The following PTH2R variants were observed in gnomAD, a reference collection of about 807,000 sequenced individuals.
The protein encoded by PTH2R is parathyroid hormone 2 receptor, also known as PTH2 receptor.
Under a neutral mutation model 60.3 loss-of-function variants are expected in PTH2R, and 59 were observed. The observed-to-expected ratio is 0.98, with a 90% confidence interval of 0.79 to 1.22. The LOEUF is 1.22. Ranked by LOEUF, PTH2R falls within the 50% of genes most tolerant of loss-of-function variation. The pLI, the probability that PTH2R is intolerant of heterozygous loss-of-function variation, is 0.00. For synonymous variants in PTH2R, 256 were observed against 243.8 expected, an observed-to-expected ratio of 1.05 and a Z score of -0.47; for missense variants, 749 against 682.6, an observed-to-expected ratio of 1.10 and a Z score of -1.08.
chr2:208,366,492 A>G (rs567452541), intron 1 of PTH2R, among the ~76,000 whole-genome samples: 6 of 152,280 alleles, frequency 3.9e-5, no homozygotes, highest in African/African-American at 1.4e-4. Flanking sequence ...GCTAGTAAAG[A>G]AAGAAGGGAA....
intron 6 of PTH2R, among the ~76,000 whole-genome samples, chr2:208,444,333 G>T (rs181382178): frequency 6.6e-6 from 1 of 152,058 alleles, no homozygotes; most frequent in African/African-American, 2.4e-5. Context: ...TAACTTTGGG[G>T]GCAGCTTGTT....
rs1365656420 is a variant in PTH2R at position 208,494,316 on chromosome 2, C to T, written c.*657C>T. The T allele has an allele frequency of 6.6e-6, 1 of 152,218 alleles. No homozygotes were observed. Among genetic ancestry groups the T allele is most frequent in the African/African-American group, 2.4e-5 (1 of 41,444 alleles). The allele number at this position is 152,218 out of a possible 1,614,324, so 9.4% of individuals were successfully genotyped here. On this transcript the variant is annotated 3_prime_UTR_variant, in exon 13 of 13. Transcript: ENST00000272847. Reference sequence around the variant, plus strand: ...TGTGACCAGCCAGACCTCAGGTCTTCACTCTTTCTTCTTTGTAAACTATGT... The same window carrying T: ...TGTGACCAGCCAGACCTCAGGTCTTTACTCTTTCTTCTTTGTAAACTATGT...
At chr2:208,420,629 A>G (rs1701735707) in intron 1 of PTH2R, among the ~76,000 whole-genome samples, 1 of 152,226 alleles carries the variant, frequency 6.6e-6, no homozygotes, top group Non-Finnish European at 1.5e-5. Context: ...AAAAATCTGT[A>G]TTTTGAGAGA....
rs935249616 is a variant in PTH2R at position 208,459,164 on chromosome 2, A to T, written c.915-731A>T. ...TAGCCATTCTAACTGGTGTGAGATGATATCTCATTGTGGTTTTGATTTGCA... is the reference window on the plus strand; with the variant it reads ...TAGCCATTCTAACTGGTGTGAGATGTTATCTCATTGTGGTTTTGATTTGCA... On this transcript the variant is annotated intron_variant, in intron 8 of 12. Transcript: ENST00000272847. Among the ~76,000 whole-genome samples, 3 of 152,170 alleles carry T rather than the reference A, an allele frequency of 2.0e-5. No homozygotes were observed. In the East Asian group the frequency reaches 5.8e-4, roughly 29 times the overall value.
chr2:208,360,288 A>C (rs904859186), intron 1 of PTH2R: 1 of 398,404 alleles, frequency 2.5e-6, no homozygotes, highest in Non-Finnish European at 5.1e-6. Flanking sequence ...AGCAGCCCCT[A>C]CGGGGTCTCC....
rs1456828432 is a variant in PTH2R at position 208,365,688 on chromosome 2, A to G, written c.-259+5451A>G. Among the ~76,000 whole-genome samples, 3 of 149,972 alleles carry G rather than the reference A, an allele frequency of 2.0e-5. 1 individual carries two copies. Among genetic ancestry groups the G allele is most frequent in the South Asian group, 4.2e-4 (2 of 4,778 alleles). Reference sequence around the variant, plus strand: ...TCACACTAATGCTGCCCCTCAAAGAATGACCTTGGAAGTATTCCTTTCTCT... The same window carrying G: ...TCACACTAATGCTGCCCCTCAAAGAGTGACCTTGGAAGTATTCCTTTCTCT... On this transcript the variant is annotated intron_variant, in intron 1 of 12. Transcript: ENST00000617735.
At chr2:208,480,651 A>G (rs935520680) in intron 9 of PTH2R, among the ~76,000 whole-genome samples, 1 of 152,224 alleles carries the variant, frequency 6.6e-6, no homozygotes, top group Non-Finnish European at 1.5e-5. Context: ...CTTTTCATAC[A>G]TCATAGACAG....
At chr2:208,435,295 G>A (rs1702052138) in intron 2 of PTH2R, among the ~76,000 whole-genome samples, 3 of 152,194 alleles carry the variant, frequency 2.0e-5, no homozygotes, top group Admixed American at 6.5e-5. Context: ...GTGGCAGAAT[G>A]ATGGCCCTCC....
chr2:208,381,459 C>T (rs369644996), intron 1 of PTH2R, among the ~76,000 whole-genome samples: 8 of 152,152 alleles, frequency 5.3e-5, no homozygotes, highest in South Asian at 2.1e-4. Context: ...CCTGCTCTCT[C>T]GAACCCAGGC....
At chr2:208,407,513 T>C (rs1231303798) in intron 1 of PTH2R, among the ~76,000 whole-genome samples, 1 of 152,228 alleles carries the variant, frequency 6.6e-6, no homozygotes, top group Non-Finnish European at 1.5e-5. Context: ...CCATCGCTTT[T>C]GAGAATTTAA....
intron 1 of PTH2R, among the ~76,000 whole-genome samples, chr2:208,382,805 C>G (rs577011791): frequency 6.6e-6 from 1 of 152,318 alleles, no homozygotes; most frequent in South Asian, 2.1e-4. Flanking sequence ...GCCAACTCAA[C>G]TTAGAGTTTA....
chr2:208,472,786 G>A (rs1226912917), intron 9 of PTH2R, among the ~76,000 whole-genome samples: 1 of 152,094 alleles, frequency 6.6e-6, no homozygotes, highest in Non-Finnish European at 1.5e-5. Context: ...AAATGTTTGA[G>A]TCTGTTTTTG....
chr2:208,459,508 T>A (rs754070872), intron 8 of PTH2R, among the ~76,000 whole-genome samples: 1 of 152,166 alleles, frequency 6.6e-6, no homozygotes. Flanking sequence ...GTAATGTCTG[T>A]GAGAGAGAAC....
At chr2:208,365,961 T>TATATATATATATA (rs1491452832) in intron 1 of PTH2R, among the ~76,000 whole-genome samples, 27 of 11,038 alleles carry the variant, frequency 2.4e-3, no homozygotes, top group South Asian at 0.012. Context: ...TATATATATA[T>TATATATATATATA]TTTTTTTTTT....
chr2:208,424,263 C>A (rs571074236), intron 1 of PTH2R, among the ~76,000 whole-genome samples: 1 of 152,142 alleles, frequency 6.6e-6, no homozygotes, highest in Admixed American at 6.5e-5. Flanking sequence ...TTACTTTGCT[C>A]TTAAACCATT....
At chr2:208,422,932 C>T (rs1389596815) in intron 1 of PTH2R, among the ~76,000 whole-genome samples, 1 of 152,144 alleles carries the variant, frequency 6.6e-6, no homozygotes, top group Non-Finnish European at 1.5e-5. Flanking sequence ...CTCCTGGCAA[C>T]CACTATCTCC....
intron 7 of PTH2R, among the ~76,000 whole-genome samples, chr2:208,445,140 T>C (rs1370213363): frequency 6.6e-6 from 1 of 152,210 alleles, no homozygotes; most frequent in Non-Finnish European, 1.5e-5. Flanking sequence ...GAGGATTCTT[T>C]GGAGGAAATA....
At chr2:208,426,745 C>T (rs1701865595) in intron 1 of PTH2R, among the ~76,000 whole-genome samples, 1 of 152,182 alleles carries the variant, frequency 6.6e-6, no homozygotes, top group Admixed American at 6.5e-5. Flanking sequence ...TCTCCTTTGC[C>T]CTCTGCCATG....
At chr2:208,428,687 C>G (rs992519883) in intron 2 of PTH2R, among the ~76,000 whole-genome samples, 3 of 152,192 alleles carry the variant, frequency 2.0e-5, no homozygotes, top group Non-Finnish European at 4.4e-5. Context: ...ATATGCAGTT[C>G]AAAATCTACT....
Sources: gnomAD v4.1 joint callset for allele counts (sites outside exome capture counted in the v4.1 genomes callset) on GRCh38, gnomAD v4.1.1 for gene constraint, MANE v1.5 for transcripts, NCBI Gene and HGNC (gene_info 2026-07-23, HGNC 2026-07-21) for gene names.